Variants in PSD3 observed in about 807,000 individuals in gnomAD.
PSD3 encodes pleckstrin and Sec7 domain containing 3.
Under a neutral mutation model 105.5 loss-of-function variants are expected in PSD3, and 49 were observed. The ratio of observed to expected loss-of-function variants is 0.46; its 90% confidence interval spans 0.37 to 0.59. The LOEUF (loss-of-function observed/expected upper bound fraction) is 0.59, where lower values mean the gene tolerates loss of function less well. PSD3 is among the 20% of genes least tolerant of loss of function. The pLI, the probability that PSD3 is intolerant of heterozygous loss-of-function variation, is 0.00. For synonymous variants in PSD3, 557 were observed against 457.8 expected, an observed-to-expected ratio of 1.22 and a Z score of -2.77; for missense variants, 1,561 against 1,263.8, an observed-to-expected ratio of 1.24 and a Z score of -3.57.
rs184378406 is a variant in PSD3 at position 19,038,221 on chromosome 8, A to G, written c.324+45985T>C. ...AACTGATCTAACAAGGCGACTTTAG[A>G]ATACATGTCTCTTTATCAAACTTTC... is the stretch of plus-strand genomic sequence containing the variant. On this transcript the variant is annotated intron_variant, in intron 1 of 1. Transcript: ENST00000521475. Among the ~76,000 whole-genome samples the G allele has an allele frequency of 5.0e-3, 762 of 152,266 alleles. 9 individuals carry two copies. Among genetic ancestry groups the G allele is most frequent in the African/African-American group, 0.018 (738 of 41,556 alleles).
chr8:18,595,918 T>C (rs573442255), intron 12 of PSD3, among the ~76,000 whole-genome samples: 1 of 152,098 alleles, frequency 6.6e-6, no homozygotes, highest in Non-Finnish European at 1.5e-5. Flanking sequence ...AGCAAACATA[T>C]ACAGAACATT....
At chr8:18,807,082 A>T (rs1325113190) in intron 4 of PSD3, among the ~76,000 whole-genome samples, 1 of 152,232 alleles carries the variant, frequency 6.6e-6, no homozygotes, top group African/African-American at 2.4e-5. Context: ...AACCTAAAAA[A>T]TAGGTTGTAA....
intron 4 of PSD3, 60 bp downstream of exon 4, chr8:18,867,614 C>G: frequency 1.3e-6 from 2 of 1,519,976 alleles, no homozygotes; most frequent in Middle Eastern, 3.6e-4. Context: ...ACTCAGATTT[C>G]CCAGAAAAGA....
At chr8:18,849,307 G>A (rs1436468141) in intron 4 of PSD3, 1 of 152,142 alleles carries the variant, frequency 6.6e-6, no homozygotes, top group Non-Finnish European at 1.5e-5. Flanking sequence ...TCTATATGAT[G>A]AAACTTCGGC....
intron 4 of PSD3, among the ~76,000 whole-genome samples, chr8:18,837,244 C>T (rs927065484): frequency 6.6e-6 from 1 of 152,154 alleles, no homozygotes; most frequent in Non-Finnish European, 1.5e-5. Flanking sequence ...CTTGAACCAG[C>T]CATGACCCAG....
At chr8:18,655,596 AAAGT>A in intron 10 of PSD3, 42 bp downstream of exon 10, 1 of 1,570,340 alleles carries the variant, frequency 6.4e-7, no homozygotes, top group African/African-American at 1.4e-5. Flanking sequence ...CAGTAGGAAA[AAAGT>A]GAGTAGTTCA....
chr8:19,049,457 C>T (rs1379370640), intron 1 of PSD3, among the ~76,000 whole-genome samples: 4 of 152,124 alleles, frequency 2.6e-5, no homozygotes, highest in Non-Finnish European at 4.4e-5. Context: ...TGGGAGGCCA[C>T]GGCAGGAGAA....
At chr8:18,818,354 CT>C (rs1038810487) in intron 4 of PSD3, among the ~76,000 whole-genome samples, 50 of 136,372 alleles carry the variant, frequency 3.7e-4, no homozygotes, top group Admixed American at 2.6e-3. Context: ...TAGGGAGCTA[CT>C]TTTTTTTTTT....
At chr8:18,798,138 T>C (rs1487591215) in intron 8 of PSD3, among the ~76,000 whole-genome samples, 1 of 152,184 alleles carries the variant, frequency 6.6e-6, no homozygotes, top group East Asian at 1.9e-4. Context: ...ATTCACACTG[T>C]GAAATGCCTG....
intron 9 of PSD3, among the ~76,000 whole-genome samples, chr8:18,684,815 G>A (rs992696358): frequency 6.6e-6 from 1 of 152,188 alleles, no homozygotes; most frequent in African/African-American, 2.4e-5. Context: ...CGGGCAACAA[G>A]CAGCAAGCAG....
intron 15 of PSD3, among the ~76,000 whole-genome samples, chr8:18,550,542 T>C (rs1242225069): frequency 2.0e-5 from 3 of 152,186 alleles, no homozygotes; most frequent in African/African-American, 7.2e-5. Context: ...AAAATATATT[T>C]ACACCACCTA....
intron 1 of PSD3, among the ~76,000 whole-genome samples, chr8:18,970,339 A>AAAAG: frequency 6.7e-6 from 1 of 149,928 alleles, no homozygotes; most frequent in East Asian, 2.0e-4. Context: ...AAAAAAAAAA[A>AAAAG]AAAAAAAAAC....
chr8:18,802,400 G>C (rs563186776), intron 6 of PSD3: 26 of 417,576 alleles, frequency 6.2e-5, no homozygotes, highest in Non-Finnish European at 4.8e-6. Flanking sequence ...AAATGTCTAA[G>C]AAATCTTACT....
At chr8:18,887,776 G>A (rs558433546) in intron 2 of PSD3, among the ~76,000 whole-genome samples, 2 of 152,252 alleles carry the variant, frequency 1.3e-5, no homozygotes, top group South Asian at 2.1e-4. Context: ...GCCAAACAGG[G>A]TGCTGAAAAA....
At chr8:18,582,064 C>T (rs1207618309) in intron 12 of PSD3, among the ~76,000 whole-genome samples, 1 of 151,936 alleles carries the variant, frequency 6.6e-6, no homozygotes, top group Non-Finnish European at 1.5e-5. Flanking sequence ...CAATCAACAA[C>T]AGGAAAGAAA....
At chr8:18,751,387 G>C (rs547918463) in intron 9 of PSD3, among the ~76,000 whole-genome samples, 7 of 152,220 alleles carry the variant, frequency 4.6e-5, no homozygotes, top group Non-Finnish European at 1.0e-4. Flanking sequence ...CATCACCAGA[G>C]GAAGTTAGAA....
chr8:19,074,611 ATTTTTT>A (rs1206111403), intron 1 of PSD3, among the ~76,000 whole-genome samples: 9 of 24,220 alleles, frequency 3.7e-4, no homozygotes, highest in African/African-American at 1.3e-3. Context: ...ATATATATAT[ATTTTTT>A]TTTTTTTTTT....
intron 12 of PSD3, among the ~76,000 whole-genome samples, chr8:18,595,281 CAAAA>C (rs35238330): frequency 2.4e-5 from 3 of 122,768 alleles, no homozygotes; most frequent in African/African-American, 6.4e-5. Flanking sequence ...AATGTTATTA[CAAAA>C]AAAAAAAAAA....
chr8:18,807,480 T>G (rs1811303629), intron 4 of PSD3, among the ~76,000 whole-genome samples: 1 of 152,186 alleles, frequency 6.6e-6, no homozygotes, highest in South Asian at 2.1e-4. Context: ...ACTCACACAT[T>G]CCCAGATGAT....
Sources: gnomAD v4.1 joint callset for allele counts (sites outside exome capture counted in the v4.1 genomes callset) on GRCh38, gnomAD v4.1.1 for gene constraint, MANE v1.5 for transcripts, NCBI Gene and HGNC (gene_info 2026-07-23, HGNC 2026-07-21) for gene names.